The following SLC22A23 variants were observed in gnomAD, a reference collection of about 807,000 sequenced individuals.
SLC22A23 encodes the protein solute carrier family 22 member 23, also known as ion transporter protein.
SLC22A23 carries 26 observed loss-of-function variants against 61.0 expected under a neutral mutation model. The ratio of observed to expected loss-of-function variants is 0.43; its 90% CI spans 0.31 to 0.59. The LOEUF (loss-of-function observed/expected upper bound fraction) is 0.59. Ranked by LOEUF, SLC22A23 falls within the 20% of genes least tolerant of loss-of-function variation. The pLI is 0.11. For missense variants in SLC22A23, 796 were observed against 934.7 expected, an observed-to-expected ratio of 0.85 and a Z score of 1.94; for synonymous variants, 430 against 413.9, an observed-to-expected ratio of 1.04 and a Z score of -0.47.
intron 3 of SLC22A23, among the ~76,000 whole-genome samples, chr6:3,381,629 C>T (rs1370944318): frequency 6.6e-6 from 1 of 152,214 alleles, no homozygotes. Context: ...CCAAGCAAGC[C>T]TGGCCCAGCG....
intron 4 of SLC22A23, chr6:3,323,574 A>C: frequency 1.8e-6 from 1 of 546,450 alleles, no homozygotes. Flanking sequence ...GGTGAGCCAG[A>C]CTGGCCAGTG....
At chr6:3,283,729 A>AG (rs1378047843) in intron 9 of SLC22A23, 123 bp downstream of exon 9, 1 of 1,525,780 alleles carries the variant, frequency 6.6e-7, no homozygotes. Flanking sequence ...TGAACCACGA[A>AG]GCTGATGTGT....
chr6:3,419,500 C>T (rs760490164), intron 1 of SLC22A23, among the ~76,000 whole-genome samples: 87 of 152,182 alleles, frequency 5.7e-4, no homozygotes, highest in Admixed American at 4.1e-3. Flanking sequence ...TTCGAATTTC[C>T]GGCTGACCTG....
chr6:3,381,725 A>C (rs987470046), intron 3 of SLC22A23, among the ~76,000 whole-genome samples: 1 of 152,146 alleles, frequency 6.6e-6, no homozygotes, highest in Non-Finnish European at 1.5e-5. Context: ...GTGAGAATGG[A>C]ATCAGGAGAA....
At chr6:3,453,887 G>C (rs1401756223) in intron 1 of SLC22A23, among the ~76,000 whole-genome samples, 1 of 152,120 alleles carries the variant, frequency 6.6e-6, no homozygotes, top group Admixed American at 6.5e-5. Context: ...TCACCATAGT[G>C]TACATCCCAC....
At chr6:3,311,247 T>C (rs1233811659) in intron 4 of SLC22A23, among the ~76,000 whole-genome samples, 1 of 151,994 alleles carries the variant, frequency 6.6e-6, no homozygotes, top group African/African-American at 2.4e-5. Flanking sequence ...GGGAGGAGAA[T>C]CTCAAAAGGC....
At chr6:3,323,228 C>G (rs1763065848) in intron 4 of SLC22A23, 2 of 456,136 alleles carry the variant, frequency 4.4e-6, no homozygotes, top group Admixed American at 4.7e-5. Flanking sequence ...TTGTAAAGGA[C>G]CAGATAGTAA....
At chr6:3,293,069 C>G (rs951644295) in intron 5 of SLC22A23, among the ~76,000 whole-genome samples, 2 of 152,174 alleles carry the variant, frequency 1.3e-5, no homozygotes, top group Non-Finnish European at 2.9e-5. Context: ...AGACCAGGCT[C>G]AGGAGGAGCA....
At chr6:3,392,051 C>T (rs891708536) in intron 3 of SLC22A23, among the ~76,000 whole-genome samples, 1 of 152,088 alleles carries the variant, frequency 6.6e-6, no homozygotes, top group African/African-American at 2.4e-5. Context: ...GTGGCAAAGA[C>T]CACCAGTCAT....
chr6:3,274,742 A>G (rs1036824812), intron 9 of SLC22A23, among the ~76,000 whole-genome samples: 1 of 152,274 alleles, frequency 6.6e-6, no homozygotes, highest in African/African-American at 2.4e-5. Context: ...GCCATTCACA[A>G]TAACATCCAA....
At chr6:3,275,882 TATAACTC>T (rs1758851472) in intron 9 of SLC22A23, among the ~76,000 whole-genome samples, 1 of 152,216 alleles carries the variant, frequency 6.6e-6, no homozygotes. Flanking sequence ...ACGCCACTCT[TATAACTC>T]AAAAAGAAGA....
At chr6:3,426,871 C>T (rs964808183) in intron 1 of SLC22A23, among the ~76,000 whole-genome samples, 5 of 152,220 alleles carry the variant, frequency 3.3e-5, no homozygotes, top group African/African-American at 9.7e-5. Context: ...ACTGCTGCTA[C>T]AGGACAGCAT....
At chr6:3,379,048 T>C (rs966107074) in intron 3 of SLC22A23, among the ~76,000 whole-genome samples, 18 of 151,778 alleles carry the variant, frequency 1.2e-4, no homozygotes, top group African/African-American at 4.4e-4. Flanking sequence ...TATGGGAGAG[T>C]TGTCTGGGCC....
intron 4 of SLC22A23, among the ~76,000 whole-genome samples, chr6:3,316,268 C>T (rs1021064953): frequency 6.6e-6 from 1 of 152,186 alleles, no homozygotes; most frequent in Admixed American, 6.5e-5. Flanking sequence ...GGAATAAATC[C>T]ACCAACTCCA....
chr6:3,423,066 C>A (rs1770254076), intron 1 of SLC22A23, among the ~76,000 whole-genome samples: 3 of 151,740 alleles, frequency 2.0e-5, no homozygotes, highest in South Asian at 4.2e-4. Flanking sequence ...CTTCAAATGA[C>A]AACTCTACTG....
chr6:3,283,727 G>C, intron 9 of SLC22A23, 125 bp downstream of exon 9: 1 of 1,510,716 alleles, frequency 6.6e-7, no homozygotes, highest in South Asian at 1.2e-5. Flanking sequence ...TATGAACCAC[G>C]AAGCTGATGT....
intron 3 of SLC22A23, among the ~76,000 whole-genome samples, chr6:3,379,026 A>C (rs1265729972): frequency 1.3e-5 from 2 of 152,184 alleles, no homozygotes; most frequent in Non-Finnish European, 2.9e-5. Context: ...CAGGTCAGGC[A>C]AAACCTGTCT....
chr6:3,285,098 G>C lies in SLC22A23; in HGVS notation c.1560C>G (p.Tyr520Ter). Residue 520 changes from tyrosine to a stop codon, truncating the protein, a stop_gained, in exon 8 of 10, where the codon TAC (tyrosine) becomes TAG (stop). Coordinates refer to ENST00000406686, the MANE Select transcript of SLC22A23 (RefSeq NM_015482.2). LOFTEE classifies it high-confidence loss of function. ...QLGLLNLIGKYSQHPDSGMSD... is the reference protein window; with the variant it reads ...QLGLLNLIGK ...ACTCACCTGAGTCTGGGTGCTGGCT[G>C]TACTTTCCAATCACTGGACCCGCAG... 1 of 1,613,442 alleles carries C rather than the reference G, an allele frequency of 6.2e-7. No individual in the cohort carries two copies. Among genetic ancestry groups the C allele is most frequent in the South Asian group, 1.1e-5 (1 of 90,900 alleles).
rs754332059 is a variant in SLC22A23, at chr6:3,456,328, G to C, written c.232C>G (p.Leu78Val). The C allele has an allele frequency of 2.6e-6, 4 of 1,550,126 alleles. No individual in the cohort carries two copies. In the South Asian group the frequency reaches 4.8e-5, roughly 18 times the overall value. ...GGCAGCACCGACCCGTCATAGTCCAGCAACAAGAGGCTCGGGGCCGCAGCC... is the reference window on the plus strand; with the variant it reads ...GGCAGCACCGACCCGTCATAGTCCACCAACAAGAGGCTCGGGGCCGCAGCC... The part of the protein sequence containing the change: ...SAAAAPSLLL[L>V]DYDGSVLPFL... Residue 78 changes from leucine (L) to valine (V), a missense_variant, in exon 1 of 10, where the codon CTG becomes GTG. Coordinates refer to ENST00000406686, the MANE Select transcript of SLC22A23 (RefSeq NM_015482.2). The surrounding 1 kb of genome is among the most constrained non-coding windows in gnomAD (Gnocchi z 7.1).
Sources: allele counts gnomAD v4.1 joint callset (sites outside exome capture counted in the v4.1 genomes callset), GRCh38; gene constraint gnomAD v4.1.1; non-coding constraint Gnocchi (gnomAD v3.1); transcripts MANE v1.5; gene names NCBI Gene and HGNC (gene_info 2026-07-23, HGNC 2026-07-21).